The following TBC1D8 variants were observed in gnomAD, a reference collection of about 807,000 sequenced individuals.
TBC1D8 encodes BUB2-like protein 1.
In TBC1D8, 65 loss-of-function variants were observed where a neutral mutation model predicts 118.8. That is an observed-to-expected ratio of 0.55 (90% CI 0.45 to 0.67). The LOEUF (loss-of-function observed/expected upper bound fraction) is 0.67, where lower values mean the gene tolerates loss of function less well. Ranked by LOEUF, TBC1D8 falls within the 30% of genes least tolerant of loss-of-function variation. The pLI is 0.00. For synonymous variants in TBC1D8, 566 were observed against 595.8 expected, an observed-to-expected ratio of 0.95 and a Z score of 0.73; for missense variants, 1,376 against 1,471.2, an observed-to-expected ratio of 0.94 and a Z score of 1.06.
At position 101,125,986 on chromosome 2, in the gene TBC1D8, T is replaced by C. The variant is rs373975373; in HGVS notation, c.127+25141A>G. On this transcript the variant is annotated intron_variant, in intron 1 of 19. Coordinates refer to ENST00000409318, the MANE Select transcript of TBC1D8 (RefSeq NM_001330348.2). ...TGCTGTCTTAGTCCATTTGTGTTGC[T>C]ATAAAGGAATACCTGAGGCTGAGTC... is the stretch of plus-strand genomic sequence containing the variant. 5.4e-4 allele frequency among the ~76,000 whole-genome samples: 83 copies of C among 152,300 alleles called. 1 individual carries two copies. In the South Asian group the frequency reaches 5.6e-3, roughly 10 times the overall value.
intron 18 of TBC1D8, 190 bp downstream of exon 18, chr2:101,011,261 A>G (rs1009871225): frequency 6.3e-5 from 44 of 702,596 alleles, no homozygotes; most frequent in Middle Eastern, 4.0e-4. Flanking sequence ...TGGTGGGGGC[A>G]AGGGGCAGCC....
intron 15 of TBC1D8, among the ~76,000 whole-genome samples, chr2:101,024,696 C>T (rs561075820): frequency 1.3e-5 from 2 of 152,164 alleles, no homozygotes; most frequent in African/African-American, 4.8e-5. Flanking sequence ...CATAAGCCAC[C>T]GTGCCCGGCC....
chr2:101,081,479 C>T (rs569462924), intron 2 of TBC1D8, among the ~76,000 whole-genome samples: 2 of 152,334 alleles, frequency 1.3e-5, no homozygotes, highest in South Asian at 2.1e-4. Context: ...AGAGTCCAAA[C>T]TTGGATCTGC....
chr2:101,097,760 T>C (rs1676565968), intron 1 of TBC1D8, among the ~76,000 whole-genome samples: 1 of 152,074 alleles, frequency 6.6e-6, no homozygotes, highest in Admixed American at 6.6e-5. Flanking sequence ...CCCAGCTACT[T>C]AAAAGGTTGA....
chr2:101,037,481 A>C, intron 8 of TBC1D8, 51 bp downstream of exon 8: 1 of 1,587,700 alleles, frequency 6.3e-7, no homozygotes, highest in Middle Eastern at 2.3e-4. Context: ...CAACCCCCCC[A>C]AGCCCACGGC....
chr2:101,082,910 A>G (rs1270728073), intron 2 of TBC1D8, among the ~76,000 whole-genome samples: 1 of 152,206 alleles, frequency 6.6e-6, no homozygotes, highest in African/African-American at 2.4e-5. Context: ...ACACTTAAAA[A>G]TGGTTAAGAC....
At chr2:101,116,943 G>C (rs994751953) in intron 1 of TBC1D8, among the ~76,000 whole-genome samples, 6 of 152,056 alleles carry the variant, frequency 3.9e-5, no homozygotes, top group Non-Finnish European at 8.8e-5. Context: ...GCCCAGCCGA[G>C]AAGTGAAATT....
At position 101,082,415 on chromosome 2, in the gene TBC1D8, G is replaced by C. The variant is rs558189545; in HGVS notation, c.283+7794C>G. On this transcript the variant is annotated intron_variant, in intron 2 of 19. Coordinates refer to ENST00000409318, the MANE Select transcript of TBC1D8 (RefSeq NM_001330348.2). ...GCAGCCAAAAACCGGCCCTCCTGCA[G>C]GCTGGGCACCCTGGCCCTCCCAGCA... Among the ~76,000 whole-genome samples the C allele has an allele frequency of 2.6e-5, 4 of 152,274 alleles. No individual in the cohort carries two copies. The South Asian group carries it at 6.2e-4, about 24-fold the overall frequency.
At chr2:101,056,813 T>TC (rs1288244390) in intron 3 of TBC1D8, among the ~76,000 whole-genome samples, 7 of 152,144 alleles carry the variant, frequency 4.6e-5, no homozygotes, top group Admixed American at 3.9e-4. Flanking sequence ...ACCCCTGCCT[T>TC]CCTTGAAGTG....
intron 2 of TBC1D8, among the ~76,000 whole-genome samples, chr2:101,063,390 A>T (rs772972808): frequency 5.9e-5 from 9 of 152,178 alleles, no homozygotes; most frequent in South Asian, 4.2e-4. Context: ...AACCACACAT[A>T]AAAAAAACTA....
chr2:101,041,714 C>A (rs1435295407), intron 5 of TBC1D8, among the ~76,000 whole-genome samples: 6 of 151,658 alleles, frequency 4.0e-5, no homozygotes, highest in Non-Finnish European at 8.8e-5. Context: ...TAAATTAAAT[C>A]TCAAAAAAAA....
rs191615739 is a variant in TBC1D8 at position 101,112,742 on chromosome 2, G to C, written c.128-22378C>G. 1.9e-3 allele frequency among the ~76,000 whole-genome samples: 292 copies of C among 152,154 alleles called. 2 individuals are homozygous for C. Among genetic ancestry groups the C allele is most frequent in the East Asian group, 8.3e-3 (43 of 5,172 alleles). On this transcript the variant is annotated intron_variant, in intron 1 of 19. Transcript: ENST00000409318. ...TGTAACCCGCCCTTACCTTTCTTTT[G>C]GGCTCTTTCCAGACATGCCCATTTT...
At chr2:101,040,079 C>T (rs902623548) in intron 6 of TBC1D8, 99 bp downstream of exon 6, 4 of 1,371,030 alleles carry the variant, frequency 2.9e-6, no homozygotes, top group South Asian at 1.3e-5. Flanking sequence ...AAAACTGTGC[C>T]GTCTGAACTT....
chr2:101,045,207 C>T (rs192907891), intron 5 of TBC1D8, among the ~76,000 whole-genome samples: 16 of 152,334 alleles, frequency 1.1e-4, no homozygotes, highest in Non-Finnish European at 1.9e-4. Flanking sequence ...TACACTTACA[C>T]ATTCTTAAAA....
At chr2:101,118,874 G>C (rs1266063599) in intron 1 of TBC1D8, among the ~76,000 whole-genome samples, 1 of 152,084 alleles carries the variant, frequency 6.6e-6, no homozygotes, top group African/African-American at 2.4e-5. Context: ...GCTGGGTGTG[G>C]TGGCACACAG....
chr2:101,125,910 A>T (rs1161350064), intron 1 of TBC1D8, among the ~76,000 whole-genome samples: 1 of 152,208 alleles, frequency 6.6e-6, no homozygotes, highest in Non-Finnish European at 1.5e-5. Flanking sequence ...ACCAGAGAGT[A>T]ACACACTTGA....
At chr2:101,082,971 T>A (rs1012311327) in intron 2 of TBC1D8, among the ~76,000 whole-genome samples, 9 of 152,346 alleles carry the variant, frequency 5.9e-5, no homozygotes, top group African/African-American at 1.9e-4. Flanking sequence ...ATTTGTTTTT[T>A]AAAGAAATTA....
chr2:101,136,064 T>A (rs1678842671), intron 1 of TBC1D8, among the ~76,000 whole-genome samples: 1 of 152,126 alleles, frequency 6.6e-6, no homozygotes, highest in African/African-American at 2.4e-5. Flanking sequence ...TTCACCATGT[T>A]GCCTAGGCTG....
chr2:101,079,392 G>A (rs930823777), intron 2 of TBC1D8, among the ~76,000 whole-genome samples: 5 of 152,144 alleles, frequency 3.3e-5, no homozygotes, highest in Non-Finnish European at 5.9e-5. Context: ...TTTTATTCAT[G>A]TATTTATTTA....
Sources: gnomAD v4.1 joint callset for allele counts (sites outside exome capture counted in the v4.1 genomes callset) on GRCh38, gnomAD v4.1.1 for gene constraint, MANE v1.5 for transcripts, NCBI Gene and HGNC (gene_info 2026-07-23, HGNC 2026-07-21) for gene names.